Variants in FBXL18 observed in about 807,000 individuals in gnomAD.
The protein encoded by FBXL18 is F-box and leucine rich repeat protein 18.
FBXL18 carries 36 observed loss-of-function variants against 46.0 expected under a neutral mutation model. The ratio of observed to expected loss-of-function variants is 0.78; its 90% CI spans 0.60 to 1.03. The LOEUF is 1.03. FBXL18 is among the 50% of genes least tolerant of loss of function. The pLI is 0.00. For missense variants in FBXL18, 977 were observed against 1,004.1 expected, an observed-to-expected ratio of 0.97 and a Z score of 0.36; for synonymous variants, 557 against 465.3, an observed-to-expected ratio of 1.20 and a Z score of -2.54.
At chr7:5,485,560 T>A (rs1783750117) in intron 4 of FBXL18, among the ~76,000 whole-genome samples, 1 of 152,082 alleles carries the variant, frequency 6.6e-6, no homozygotes, top group East Asian at 1.9e-4. Flanking sequence ...ACGCCTGTAA[T>A]CCCAGCACTC....
rs185831890 is a variant in FBXL18 at position 5,509,168 on chromosome 7, G to C, written c.19-3538C>G. The stretch of plus-strand genomic sequence containing the variant: ...AGATCGCACCACTGCACTCCAGCCT[G>C]GGTGACAGAGTGAGACTCTGTCTCA... On this transcript the variant is annotated intron_variant, in intron 1 of 4. Coordinates refer to ENST00000382368, the MANE Select transcript of FBXL18 (RefSeq NM_024963.6). Among the ~76,000 whole-genome samples the C allele has an allele frequency of 2.7e-3, 409 of 149,298 alleles. 1 individual carries two copies. The highest frequency in any genetic ancestry group is 5.1e-3 in the Admixed American group (76 of 14,778).
At chr7:5,499,310 C>G (rs1396213562) in intron 3 of FBXL18, among the ~76,000 whole-genome samples, 1 of 148,148 alleles carries the variant, frequency 6.8e-6, no homozygotes, top group African/African-American at 2.5e-5. Context: ...TCCCTCCCAC[C>G]TCCCATTGTG....
chr7:5,493,330 C>T (rs1241387649), intron 3 of FBXL18, among the ~76,000 whole-genome samples: 2 of 152,206 alleles, frequency 1.3e-5, no homozygotes, highest in African/African-American at 2.4e-5. Flanking sequence ...GCAAGACAGT[C>T]TCGATCTGTT....
intron 4 of FBXL18, among the ~76,000 whole-genome samples, chr7:5,461,229 T>A (rs1370692157): frequency 6.6e-6 from 1 of 152,174 alleles, no homozygotes; most frequent in Non-Finnish European, 1.5e-5. Context: ...GAGCACCTAC[T>A]ATGTGCTGGG....
Position 5,481,558 on chromosome 7 carries a change from T to G in FBXL18, c.*217A>C. On this transcript the variant is annotated 3_prime_UTR_variant, in exon 5 of 5. Coordinates refer to ENST00000382368, the MANE Select transcript of FBXL18 (RefSeq NM_024963.6). The stretch of plus-strand genomic sequence containing the variant: ...CACATCGACCGTCCCCCGAGCCCCC[T>G]CATGTCACCCAGAACGCATCCCCTC... The G allele has an allele frequency of 3.8e-5, 13 of 337,832 alleles. No individual in the cohort carries two copies. Among genetic ancestry groups the G allele is most frequent in the Non-Finnish European group, 5.2e-5 (10 of 193,552 alleles). 20.9% of individuals were successfully genotyped at this position (337,832 alleles called of 1,614,324 possible).
At chr7:5,475,368 C>T (rs1783492634), downstream of FBXL18, among the ~76,000 whole-genome samples, 2 of 152,162 alleles carry the variant, frequency 1.3e-5, no homozygotes, top group African/African-American at 4.8e-5. This position sits in a 1 kb window ranked among gnomAD's most constrained non-coding sequence, Gnocchi z 4.2. Context: ...GCTGTTTCCA[C>T]AGCCCTGAGG....
chr7:5,501,691 C>T lies in FBXL18; in HGVS notation c.578G>A (p.Ser193Asn). 3 of 1,604,012 alleles carry T rather than the reference C, an allele frequency of 1.9e-6. No individual in the cohort carries two copies. Among genetic ancestry groups the T allele is most frequent in the Non-Finnish European group, 1.7e-6 (2 of 1,174,868 alleles). The change falls in exon 3 of 5, where the codon AGC becomes AAC. Residue 193 changes from serine to asparagine, a missense_variant. Coordinates refer to ENST00000382368, the MANE Select transcript of FBXL18 (RefSeq NM_024963.6). ...PSYGVVPCCT[S>N]LEKLLLYFEI... The stretch of plus-strand genomic sequence containing the variant: ...GAAGTAGAGCAGCAGCTTCTCTAGG[C>T]TGGTGCAGCAGGGCACCACGCCGTA...
chr7:5,463,372 C>T (rs577175812), intron 4 of FBXL18, among the ~76,000 whole-genome samples: 2 of 152,072 alleles, frequency 1.3e-5, no homozygotes, highest in East Asian at 1.9e-4. Flanking sequence ...GTAATTCCAG[C>T]GCCTTGGGAG....
chr7:5,511,300 C>T (rs528591662), intron 1 of FBXL18, among the ~76,000 whole-genome samples: 116 of 151,636 alleles, frequency 7.6e-4, no homozygotes, highest in Middle Eastern at 3.4e-3. Context: ...AGCCAGGGGC[C>T]GGGCGCAGTG....
At position 5,500,707 on chromosome 7, in the gene FBXL18, TC is replaced by T; in HGVS notation, c.1561del (p.Asp521ThrfsTer16). 6.2e-7 allele frequency: 1 copy of T among 1,610,682 alleles called. No individual in the cohort carries two copies. Among genetic ancestry groups the T allele is most frequent in the Non-Finnish European group, 8.5e-7 (1 of 1,178,948 alleles). On this transcript the variant is annotated frameshift_variant, in exon 3 of 5. Transcript: ENST00000382368. LOFTEE classifies it high-confidence loss of function. ...CTGGCCGATGGCGGCCACCTCCGAG[TC>T]CCCGACACTCTGTGCGCGGCTGCAG... ...PPCSRAQSVG[D>X]SEVAAIGQLA...
chr7:5,467,150 G>A (rs951843801), intron 4 of FBXL18, among the ~76,000 whole-genome samples: 6 of 152,148 alleles, frequency 3.9e-5, no homozygotes, highest in African/African-American at 1.4e-4. Context: ...AGGAGATCGA[G>A]ACCATCCTGG....
chr7:5,500,384 C>A (rs1584232995), intron 3 of FBXL18, 104 bp downstream of exon 3: 1 of 1,098,764 alleles, frequency 9.1e-7, no homozygotes, highest in East Asian at 2.4e-5. Flanking sequence ...GCCCCAGCCT[C>A]TGCACTCCTG....
chr7:5,481,674 G>A lies in FBXL18; in HGVS notation c.*101C>T, dbSNP rs1783649179. On this transcript the variant is annotated 3_prime_UTR_variant, in exon 5 of 5. Transcript: ENST00000382368. ...CCAGGTGGGGCGTGGCTGGCCGGGA[G>A]AGAGGCCCCCTTCCTCTTGTGACAA... 3 of 1,313,776 alleles carry A rather than the reference G, an allele frequency of 2.3e-6. No individual in the cohort carries two copies. The highest frequency in any genetic ancestry group is 2.6e-5 in the South Asian group (2 of 78,260). 81.4% of individuals were successfully genotyped at this position (1,313,776 alleles called of 1,614,324 possible). A position where few individuals can be genotyped will look rare whatever the true frequency, so the allele number is the denominator to read the frequency against.
At chr7:5,486,811 C>A (rs1400539825) in intron 4 of FBXL18, among the ~76,000 whole-genome samples, 1 of 152,218 alleles carries the variant, frequency 6.6e-6, no homozygotes, top group African/African-American at 2.4e-5. Context: ...ACGACACCGG[C>A]CGGCCCTGCA....
At chr7:5,475,325 AAAT>A (rs1217254128), downstream of FBXL18, among the ~76,000 whole-genome samples, 49 of 152,164 alleles carry the variant, frequency 3.2e-4, 1 homozygote, top group African/African-American at 9.9e-4. The surrounding 1 kb of genome is among the most constrained non-coding windows in gnomAD (Gnocchi z 4.2). Flanking sequence ...CTATCTCAAA[AAAT>A]AATAATAAAA....
Position 5,478,702 on chromosome 7 carries a change from A to ACACAGGGCACAGGTACACGAAGGCACACG in FBXL18, c.*3072_*3073insCGTGTGCCTTCGTGTACCTGTGCCCTGTG, listed in dbSNP as rs1783573067. The stretch of plus-strand genomic sequence containing the variant: ...CACGGAAGACGTGACTCACACACAC[A>ACACAGGGCACAGGTACACGAAGGCACACG]TGCACACACAGGGCACAGGTACACG... On this transcript the variant is annotated 3_prime_UTR_variant, in exon 5 of 5. Coordinates refer to ENST00000382368, the MANE Select transcript of FBXL18 (RefSeq NM_024963.6). The ACACAGGGCACAGGTACACGAAGGCACACG allele has an allele frequency of 1.3e-5, 2 of 152,172 alleles. No individual in the cohort carries two copies. The highest frequency in any genetic ancestry group is 4.1e-4 in the South Asian group (2 of 4,862). The allele number at this position is 152,172 out of a possible 1,614,324, so 9.4% of individuals were successfully genotyped here.
intron 4 of FBXL18, among the ~76,000 whole-genome samples, chr7:5,469,085 T>C (rs1783388294): frequency 6.6e-6 from 1 of 152,146 alleles, no homozygotes; most frequent in African/African-American, 2.4e-5. Context: ...TGTGTGGACA[T>C]GTCTGAGTGA....
At chr7:5,485,361 AG>A (rs1373886454) in intron 4 of FBXL18, among the ~76,000 whole-genome samples, 1 of 152,160 alleles carries the variant, frequency 6.6e-6, no homozygotes, top group East Asian at 1.9e-4. Flanking sequence ...GTACATAATG[AG>A]GCTCAAAAAG....
In FBXL18 at chr7:5,501,696, G is replaced by T; in HGVS notation, c.573C>A (p.Cys191Ter). 1 of 1,601,598 alleles carries T rather than the reference G, an allele frequency of 6.2e-7. No individual in the cohort carries two copies. The highest frequency in any genetic ancestry group is 1.1e-5 in the South Asian group (1 of 89,536). ...FTPSYGVVPC[C>*]TSLEKLLLYF... ...AGAGCAGCAGCTTCTCTAGGCTGGTGCAGCAGGGCACCACGCCGTAGGAGG... is the reference window on the plus strand; with the variant it reads ...AGAGCAGCAGCTTCTCTAGGCTGGTTCAGCAGGGCACCACGCCGTAGGAGG... The change falls in exon 3 of 5, where the codon TGC becomes TGA. Residue 191 changes from cysteine (C) to a stop codon, truncating the protein, a stop_gained. Coordinates refer to ENST00000382368, the MANE Select transcript of FBXL18 (RefSeq NM_024963.6). LOFTEE classifies it high-confidence loss of function.
Sources: gnomAD v4.1 joint callset for allele counts (sites outside exome capture counted in the v4.1 genomes callset) on GRCh38, gnomAD v4.1.1 for gene constraint, Gnocchi (gnomAD v3.1) non-coding constraint, MANE v1.5 for transcripts, NCBI Gene and HGNC (gene_info 2026-07-23, HGNC 2026-07-21) for gene names.